Variants in DHRS4 observed in about 807,000 individuals in gnomAD.
DHRS4 encodes the protein dehydrogenase/reductase 4.
DHRS4 carries 20 observed loss-of-function variants against 28.4 expected under a neutral mutation model. The ratio of observed to expected loss-of-function variants is 0.71; its 90% CI spans 0.50 to 1.02. The LOEUF is 1.02. Among genes scored for constraint, DHRS4 ranks in the 50% least tolerant of loss-of-function variants. The probability of loss-of-function intolerance (pLI) is 0.00; values close to 1 mark genes in which losing one functional copy is unlikely to be tolerated. For missense variants in DHRS4, 378 were observed against 367.2 expected, an observed-to-expected ratio of 1.03 and a Z score of -0.24; for synonymous variants, 144 against 146.4, an observed-to-expected ratio of 0.98 and a Z score of 0.12.
rs1127278 is a variant in DHRS4, at chr14:23,955,072, G to T, written c.166G>T (p.Gly56Trp). ...CATCGCCCGGCGTTTGGCCCAGGAC[G>T]GGGCCCATGTGGTCGTCAGCAGCCG... ...FAIARRLAQD[G>W]AHVVVSSRKQ... The change falls in exon 2 of 8, where the codon GGG becomes TGG. Residue 56 changes from glycine to tryptophan, a missense_variant. Gly to Trp is a radical substitution (Grantham distance 184, BLOSUM62 -2). Coordinates refer to ENST00000313250, the MANE Select transcript of DHRS4 (RefSeq NM_021004.4). The T allele has an allele frequency of 1.2e-6, 2 of 1,614,120 alleles. No individual in the cohort carries two copies. The highest frequency in any genetic ancestry group is 3.3e-5 in the Admixed American group (2 of 60,020).
chr14:23,957,624 A>G (rs1023211401), intron 2 of DHRS4, among the ~76,000 whole-genome samples: 1 of 149,846 alleles, frequency 6.7e-6, no homozygotes, highest in Non-Finnish European at 1.5e-5. Context: ...TGACATGATC[A>G]TAGCTCACTG....
chr14:23,956,289 A>G (rs530493523), intron 2 of DHRS4, among the ~76,000 whole-genome samples: 1 of 152,380 alleles, frequency 6.6e-6, no homozygotes, highest in South Asian at 2.1e-4. Context: ...AGCACTAACC[A>G]TATGACATGT....
intron 5 of DHRS4, 114 bp downstream of exon 5, chr14:23,966,097 T>C: frequency 6.2e-7 from 1 of 1,601,292 alleles, no homozygotes; most frequent in Non-Finnish European, 8.5e-7. Flanking sequence ...ACCAAGTCCC[T>C]GCCCACAAAA....
chr14:23,960,068 A>G (rs975061581), intron 3 of DHRS4, 65 bp downstream of exon 3: 121 of 1,485,596 alleles, frequency 8.1e-5, no homozygotes, highest in Middle Eastern at 3.6e-4. Context: ...CACAAACTCC[A>G]TCTGCTTTTA....
rs141593871 is a variant in DHRS4, at chr14:23,966,368, G to C, written c.617G>C (p.Arg206Thr). 8 of 1,614,056 alleles carry C rather than the reference G, an allele frequency of 5.0e-6. No homozygotes were observed. The highest frequency in any genetic ancestry group is 6.8e-6 in the Non-Finnish European group (8 of 1,180,034). The change falls in exon 6 of 8, where the codon AGG becomes ACG. Residue 206 changes from arginine to threonine, a missense_variant. Physicochemically the swap from Arg to Thr is moderately conservative, Grantham distance 71 (BLOSUM62 -1). Coordinates refer to ENST00000313250, the MANE Select transcript of DHRS4 (RefSeq NM_021004.4). ...LAIELAPRNI[R>T]VNCLAPGLIK... is the part of the protein sequence containing the mutation. ...ATAGAGCTGGCCCCAAGGAACATTA[G>C]GGTGAACTGCCTAGCACCTGGACTT...
chr14:23,958,152 A>C (rs1372519457), intron 2 of DHRS4, among the ~76,000 whole-genome samples: 1 of 152,032 alleles, frequency 6.6e-6, no homozygotes, highest in African/African-American at 2.4e-5. Flanking sequence ...TAAAGGGTGC[A>C]AGAAAGTATT....
chr14:23,959,903 C>T lies in DHRS4; in HGVS notation c.308C>T (p.Ala103Val). 8 of 1,613,304 alleles carry T rather than the reference C, an allele frequency of 5.0e-6. No homozygotes were observed. The highest frequency in any genetic ancestry group is 6.8e-6 in the Non-Finnish European group (8 of 1,179,884). The change falls in exon 3 of 8, where the codon GCT (alanine) becomes GTT (valine). Residue 103 changes from alanine (A) to valine (V), a missense_variant and splice_region_variant. Physicochemically the swap from Ala to Val is moderately conservative, Grantham distance 64 (BLOSUM62 0). Coordinates refer to ENST00000313250, the MANE Select transcript of DHRS4 (RefSeq NM_021004.4). ...AEDRERLVAT[A>V]VKLHGGIDIL... is the part of the protein sequence containing the mutation. ...TCCAGAACTTACCCCTCTCTCTAGG[C>T]TGTGAAGCTTCATGGAGGTATCGAT...
Position 23,962,591 on chromosome 14 carries a change from T to C in DHRS4, c.408+2588T>C, listed in dbSNP as rs1443016078. Among the ~76,000 whole-genome samples the C allele has an allele frequency of 2.6e-5, 4 of 151,958 alleles. No individual in the cohort carries two copies. In the East Asian group the frequency reaches 5.8e-4, roughly 22 times the overall value. ...CAGTCCCATCTTCCAGCTCCGCTTC[T>C]AGTTCTCTTGCTATTTCCACCACAT... On this transcript the variant is annotated intron_variant, in intron 3 of 7. Transcript: ENST00000313250.
chr14:23,953,983 C>G (rs148913216), intron 1 of DHRS4, 67 bp downstream of exon 1: 8 of 1,540,582 alleles, frequency 5.2e-6, no homozygotes, highest in Non-Finnish European at 7.0e-6. Flanking sequence ...CTCTCATCCT[C>G]GGCCTCCGGT....
chr14:23,969,052 C>G lies in DHRS4; in HGVS notation c.*181C>G. 7.6e-7 allele frequency: 1 copy of G among 1,312,244 alleles called. No individual in the cohort carries two copies. The highest frequency in any genetic ancestry group is 3.0e-5 in the Admixed American group (1 of 33,140). 81.3% of individuals were successfully genotyped at this position (1,312,244 alleles called of 1,614,324 possible). ...GGTGGCGTCTTACTCGGGATTTCTG[C>G]TGTTGTTGTGGCCTTGGGTAAAGGC... On this transcript the variant is annotated 3_prime_UTR_variant, in exon 8 of 8. Transcript: ENST00000313250.
At chr14:23,960,849 G>C (rs529667420) in intron 3 of DHRS4, among the ~76,000 whole-genome samples, 2 of 152,208 alleles carry the variant, frequency 1.3e-5, no homozygotes, top group African/African-American at 4.8e-5. Context: ...CGATACTGCA[G>C]ACTGTACAAG....
rs562406066 is a variant in DHRS4, at chr14:23,958,297, G to A, written c.307-1605G>A. On this transcript the variant is annotated intron_variant, in intron 2 of 7. Transcript: ENST00000313250. ...CAAGAATAATTAGTTAAAACGGGAAGCTAGCAGATGGTGTACATTGTTAGT... is the reference window on the plus strand; with the variant it reads ...CAAGAATAATTAGTTAAAACGGGAAACTAGCAGATGGTGTACATTGTTAGT... 2.0e-5 allele frequency among the ~76,000 whole-genome samples: 3 copies of A among 152,300 alleles called. No homozygotes were observed. In the East Asian group the frequency reaches 5.8e-4, roughly 29 times the overall value.
chr14:23,953,822 CG>C lies in DHRS4; in HGVS notation c.37del (p.Ala13LeufsTer12). The part of the protein sequence containing the change: ...HKAGLLGLCA[R>X]AWNSVRMASS... ...GGCGGGGCTGCTAGGCCTCTGTGCC[CG>C]GGCTTGGAATTCGGTGCGGATGGCC... On this transcript the variant is annotated frameshift_variant, in exon 1 of 8. Coordinates refer to ENST00000313250, the MANE Select transcript of DHRS4 (RefSeq NM_021004.4). LOFTEE classifies it high-confidence loss of function. 6.2e-7 allele frequency: 1 copy of C among 1,614,100 alleles called. No individual in the cohort carries two copies. Among genetic ancestry groups the C allele is most frequent in the Non-Finnish European group, 8.5e-7 (1 of 1,179,976 alleles).
intron 2 of DHRS4, among the ~76,000 whole-genome samples, 165 bp downstream of exon 2, chr14:23,955,377 A>C (rs1186654861): frequency 6.6e-6 from 1 of 152,032 alleles, no homozygotes; most frequent in African/African-American, 2.4e-5. Flanking sequence ...GAGAATTTTA[A>C]AACATTCTAA....
chr14:23,967,096 G>A, intron 6 of DHRS4, 115 bp from the exon 7 acceptor site: 2 of 1,311,672 alleles, frequency 1.5e-6, no homozygotes, highest in East Asian at 2.5e-5. Context: ...GGAGTTTGCA[G>A]TGAGCCAAGA....
chr14:23,955,224 G>A lies in DHRS4; in HGVS notation c.306+12G>A, dbSNP rs1182064372. On this transcript the variant is annotated intron_variant, in intron 2 of 7. Coordinates refer to ENST00000313250, the MANE Select transcript of DHRS4 (RefSeq NM_021004.4). ...GGCTGGTGGCCACGGTGAGCTGCAG[G>A]GAAATGGGCACAGAGCCAGGAGGTG... The A allele has an allele frequency of 1.9e-6, 3 of 1,610,448 alleles. No homozygotes were observed. The highest frequency in any genetic ancestry group is 1.3e-5 in the African/African-American group (1 of 74,978).
rs1382984009 is a variant in DHRS4, at chr14:23,960,944, A to T, written c.408+941A>T. 3.9e-5 allele frequency among the ~76,000 whole-genome samples: 6 copies of T among 151,966 alleles called. No individual in the cohort carries two copies. The East Asian group carries it at 1.2e-3, about 29-fold the overall frequency. ...AGGAAAAAGGGAGCAAGTGTGTCAC[A>T]TGGCAAGACAGGAAGCAAGAGAGAG... On this transcript the variant is annotated intron_variant, in intron 3 of 7. Transcript: ENST00000313250.
chr14:23,959,756 T>C lies in DHRS4; in HGVS notation c.307-146T>C, dbSNP rs2033331053. ...CTTCTCTCAAACTCCTCAGCTCAAGTGAGCCTCCCACCTTGGCCTCCCAAA... is the reference window on the plus strand; with the variant it reads ...CTTCTCTCAAACTCCTCAGCTCAAGCGAGCCTCCCACCTTGGCCTCCCAAA... On this transcript the variant is annotated intron_variant, in intron 2 of 7. Transcript: ENST00000313250. The C allele has an allele frequency of 1.8e-5, 16 of 876,280 alleles. No homozygotes were observed. The South Asian group carries it at 2.5e-4, about 14-fold the overall frequency. 54.3% of individuals were successfully genotyped at this position (876,280 alleles called of 1,614,324 possible).
Position 23,955,017 on chromosome 14 carries a change from G to A in DHRS4, c.129-18G>A, listed in dbSNP as rs1204569802. 1 of 1,614,094 alleles carries A rather than the reference G, an allele frequency of 6.2e-7. No individual in the cohort carries two copies. The highest frequency in any genetic ancestry group is 8.5e-7 in the Non-Finnish European group (1 of 1,179,970). Reference sequence around the variant, plus strand: ...CCCTGCACAGGCCTTAGCAGTCTTTGTCTCTTTCTGCTCACAGGATCGGCT... The same window carrying A: ...CCCTGCACAGGCCTTAGCAGTCTTTATCTCTTTCTGCTCACAGGATCGGCT... On this transcript the variant is annotated intron_variant, in intron 1 of 7. Transcript: ENST00000313250.
Sources: gnomAD v4.1 joint callset for allele counts (sites outside exome capture counted in the v4.1 genomes callset) on GRCh38, gnomAD v4.1.1 for gene constraint, MANE v1.5 for transcripts, NCBI Gene and HGNC (gene_info 2026-07-23, HGNC 2026-07-21) for gene names.